CLVS1: variants seen among roughly 807,000 people sequenced by gnomAD.
CLVS1 encodes the protein clavesin-1.
A neutral mutation model predicts 33.1 loss-of-function variants in CLVS1; 10 were observed. The ratio of observed to expected loss-of-function variants is 0.30; its 90% confidence interval spans 0.19 to 0.51. The LOEUF (loss-of-function observed/expected upper bound fraction) is 0.51, where lower values mean the gene tolerates loss of function less well. Among genes scored for constraint, CLVS1 ranks in the 20% least tolerant of loss-of-function variants. CLVS1 has a pLI of 0.97. For synonymous variants in CLVS1, 163 were observed against 166.1 expected (o/e 0.98, Z 0.14); for missense variants, 343 against 433.4 (o/e 0.79, Z 1.85).
the CLVS1 span, among the ~76,000 whole-genome samples, chr8:60,990,403 T>C: frequency 0.13 from 19,383 of 152,154 alleles, 1,347 homozygotes; most frequent in Admixed American, 0.16. Context: ...CTCGTTTGGG[T>C]ATTTACAGAT....
intron 3 of CLVS1, among the ~76,000 whole-genome samples, chr8:61,441,581 G>A (rs1476843392): frequency 3.3e-5 from 5 of 152,144 alleles, no homozygotes; most frequent in Admixed American, 3.3e-4. Flanking sequence ...CTTGTTGTGA[G>A]GTATGTTAGC....
At chr8:61,068,205 A>ATG (rs1172958039) in intron 1 of CLVS1, among the ~76,000 whole-genome samples, 1 of 106,370 alleles carries the variant, frequency 9.4e-6, no homozygotes, top group East Asian at 3.7e-4. Context: ...ATATGTATAT[A>ATG]TATATATATA....
intron 5 of CLVS1, chr8:61,465,721 G>A (rs1253014270): frequency 6.6e-6 from 1 of 151,998 alleles, no homozygotes; most frequent in East Asian, 1.9e-4. Context: ...GAGAGCAGTG[G>A]TATGATCTCG....
intron 2 of CLVS1, among the ~76,000 whole-genome samples, chr8:61,303,868 T>C (rs868180830): frequency 6.6e-6 from 1 of 152,222 alleles, no homozygotes; most frequent in African/African-American, 2.4e-5. Flanking sequence ...TATTAGCTTC[T>C]AGTATTATCA....
At chr8:61,027,052 T>C in the CLVS1 span, among the ~76,000 whole-genome samples, 3 of 152,216 alleles carry the variant, frequency 2.0e-5, no homozygotes, top group Admixed American at 1.3e-4. Context: ...CAGGTCATGG[T>C]GACAGACTTA....
intron 2 of CLVS1, among the ~76,000 whole-genome samples, chr8:61,189,881 T>C (rs1807431958): frequency 6.6e-6 from 1 of 152,154 alleles, no homozygotes; most frequent in African/African-American, 2.4e-5. Flanking sequence ...AGCAAGTCCT[T>C]AGAGACCTAC....
At chr8:61,293,809 G>A (rs911963002) in intron 1 of CLVS1, among the ~76,000 whole-genome samples, 3 of 152,058 alleles carry the variant, frequency 2.0e-5, no homozygotes, top group African/African-American at 4.8e-5. Flanking sequence ...TCTGTACAAA[G>A]TGTTGTCACC....
At chr8:61,099,309 T>C (rs1463592677) in intron 1 of CLVS1, among the ~76,000 whole-genome samples, 1 of 151,954 alleles carries the variant, frequency 6.6e-6, no homozygotes, top group Non-Finnish European at 1.5e-5. Flanking sequence ...TGGGATGGGG[T>C]CAAAGGGCTC....
intron 2 of CLVS1, among the ~76,000 whole-genome samples, chr8:61,183,871 G>T (rs1374590951): frequency 6.6e-6 from 1 of 152,150 alleles, no homozygotes; most frequent in Non-Finnish European, 1.5e-5. Context: ...ATGACCCTTA[G>T]CAGAGCAACG....
intron 1 of CLVS1, among the ~76,000 whole-genome samples, chr8:61,099,924 A>T (rs1004712319): frequency 1.3e-5 from 2 of 152,232 alleles, no homozygotes; most frequent in African/African-American, 2.4e-5. Context: ...AGTTACAGCT[A>T]CTTCGGAACA....
At chr8:61,341,819 T>C (rs1013969289) in intron 2 of CLVS1, among the ~76,000 whole-genome samples, 1 of 152,278 alleles carries the variant, frequency 6.6e-6, no homozygotes, top group East Asian at 1.9e-4. Context: ...TTTAAGGGAA[T>C]TTTGCAAGGC....
chr8:61,224,628 G>C (rs1477412159), intron 2 of CLVS1, among the ~76,000 whole-genome samples: 1 of 152,228 alleles, frequency 6.6e-6, no homozygotes, highest in African/African-American at 2.4e-5. Flanking sequence ...GACAACCCCT[G>C]TTGGGGGGTC....
At chr8:61,025,025 T>G in the CLVS1 span, among the ~76,000 whole-genome samples, 2 of 152,088 alleles carry the variant, frequency 1.3e-5, no homozygotes, top group African/African-American at 4.8e-5. Context: ...TTTTTTGTAT[T>G]TTTAGTGGAG....
the CLVS1 span, among the ~76,000 whole-genome samples, chr8:61,045,572 G>C: frequency 1.3e-5 from 2 of 152,192 alleles, no homozygotes; most frequent in African/African-American, 4.8e-5. Context: ...AAGTGGATGA[G>C]GGACTACTTT....
the CLVS1 span, among the ~76,000 whole-genome samples, chr8:60,984,151 T>C: frequency 6.6e-6 from 1 of 152,234 alleles, no homozygotes; most frequent in Non-Finnish European, 1.5e-5. Flanking sequence ...GAGGAATCAC[T>C]TTCTCCCTAG....
intron 5 of CLVS1, among the ~76,000 whole-genome samples, chr8:61,468,528 T>G (rs896844772): frequency 6.6e-6 from 1 of 152,026 alleles, no homozygotes; most frequent in African/African-American, 2.4e-5. Flanking sequence ...GACTAGAGTA[T>G]AGAAAATGCT....
chr8:61,059,499 T>TATATAC lies in CLVS1; in HGVS notation c.-243+2270_-243+2271insTATACA, dbSNP rs1265187479. 5.2e-5 allele frequency among the ~76,000 whole-genome samples: 5 copies of TATATAC among 96,352 alleles called. 1 individual carries two copies. The highest frequency in any genetic ancestry group is 2.0e-4 in the African/African-American group (5 of 24,884). The allele number at this position is 96,352 out of a possible 152,430, so 63.2% of individuals were successfully genotyped here. ...ACATATATATATATATATATATATA[T>TATATAC]ACACATATCTTGAAAATAGCACGAG... On this transcript the variant is annotated intron_variant, in intron 1 of 2. Transcript: ENST00000522621.
the CLVS1 span, among the ~76,000 whole-genome samples, chr8:61,014,895 G>A: frequency 4.6e-5 from 7 of 152,246 alleles, no homozygotes; most frequent in Admixed American, 6.5e-5. Context: ...GGTATGAAGC[G>A]TTCCTTAAGG....
At chr8:60,968,910 TA>T in the CLVS1 span, among the ~76,000 whole-genome samples, 46 of 149,832 alleles carry the variant, frequency 3.1e-4, no homozygotes, top group African/African-American at 8.6e-4. Flanking sequence ...ATAAATAAAA[TA>T]AAAAAAAATA....
Sources: gnomAD v4.1 joint callset for allele counts (sites outside exome capture counted in the v4.1 genomes callset) on GRCh38, gnomAD v4.1.1 for gene constraint, MANE v1.5 for transcripts, NCBI Gene and HGNC (gene_info 2026-07-23, HGNC 2026-07-21) for gene names.